The following NT5C3A variants were observed in gnomAD, a reference collection of about 807,000 sequenced individuals.
The protein encoded by NT5C3A is cytosolic 5'-nucleotidase 3A.
Under a neutral mutation model 40.0 loss-of-function variants are expected in NT5C3A, and 23 were observed. The observed-to-expected ratio is 0.58, with a 90% CI of 0.41 to 0.81. The LOEUF (loss-of-function observed/expected upper bound fraction) is 0.81. NT5C3A is among the 40% of genes least tolerant of loss of function. The pLI is 0.00. For missense variants in NT5C3A, 328 were observed against 403.0 expected (o/e 0.81, Z 1.59); for synonymous variants, 130 against 141.4 (o/e 0.92, Z 0.57).
intron 6 of NT5C3A, 23 bp downstream of exon 6, chr7:33,019,612 C>CAA (rs761258137): frequency 1.4e-6 from 2 of 1,403,058 alleles, no homozygotes; most frequent in South Asian, 2.3e-5. Flanking sequence ...ACAATAACAG[C>CAA]AAAAAACATC....
At chr7:33,035,952 A>G in intron 1 of NT5C3A, 1 of 1,613,568 alleles carries the variant, frequency 6.2e-7, no homozygotes. Flanking sequence ...CATGTACGGC[A>G]GACTCTTGAT....
At chr7:33,020,998 C>G (rs1476029203) in intron 5 of NT5C3A, among the ~76,000 whole-genome samples, 3 of 151,710 alleles carry the variant, frequency 2.0e-5, no homozygotes, top group African/African-American at 7.3e-5. Context: ...TGTTCATATA[C>G]TTAAAAAAAA....
chr7:33,045,713 T>A (rs1787116411), intron 1 of NT5C3A: 1 of 152,152 alleles, frequency 6.6e-6, no homozygotes, highest in African/African-American at 2.4e-5. Flanking sequence ...CACCTTGGCC[T>A]CCCAAAGTGC....
At chr7:33,060,131 T>G (rs1787718481) in intron 1 of NT5C3A, among the ~76,000 whole-genome samples, 1 of 152,116 alleles carries the variant, frequency 6.6e-6, no homozygotes, top group East Asian at 1.9e-4. Flanking sequence ...ATCTTTATTT[T>G]CTGTAGAGAA....
chr7:33,032,467 T>C (rs946612160), intron 1 of NT5C3A, among the ~76,000 whole-genome samples: 7 of 151,780 alleles, frequency 4.6e-5, no homozygotes, highest in Non-Finnish European at 8.8e-5. Flanking sequence ...TTTTTATTTT[T>C]ATTTTTTGAG....
intron 5 of NT5C3A, 30 bp downstream of exon 5, chr7:33,021,242 T>TA: frequency 1.9e-6 from 3 of 1,609,014 alleles, no homozygotes; most frequent in Non-Finnish European, 2.5e-6. Context: ...TATTTTTTTT[T>TA]AATCCTCCTA....
At chr7:33,016,391 G>A (rs1180131125) in intron 7 of NT5C3A, among the ~76,000 whole-genome samples, 2 of 151,190 alleles carry the variant, frequency 1.3e-5, no homozygotes, top group East Asian at 3.9e-4. Flanking sequence ...AAAAAAGAAG[G>A]CCGGGCACAG....
chr7:33,054,091 CATGT>C (rs1787477935), intron 1 of NT5C3A, among the ~76,000 whole-genome samples: 1 of 152,120 alleles, frequency 6.6e-6, no homozygotes, highest in South Asian at 2.1e-4. Context: ...CATGGTGGCA[CATGT>C]CTGTAATCCC....
chr7:33,022,071 T>C lies in NT5C3A; in HGVS notation c.336A>G (p.Thr112=), dbSNP rs1785656891. Residue 112 remains threonine, a synonymous_variant, in exon 4 of 9, where the codon ACA becomes ACG. Coordinates refer to ENST00000610140, the MANE Select transcript of NT5C3A (RefSeq NM_001002010.5). The part of the protein sequence containing the change: ...HNIIDNCKLV[T]DECRKKLLQL... ...TGTTTACCTTTTTTCTACATTCATC[T>C]GTAACCAGCTTACAGTTGTCAATGA... The C allele has an allele frequency of 1.8e-5, 27 of 1,534,744 alleles. No homozygotes were observed. The highest frequency in any genetic ancestry group is 2.3e-5 in the Non-Finnish European group (26 of 1,108,776).
At chr7:33,051,300 A>C (rs1787361320) in intron 1 of NT5C3A, among the ~76,000 whole-genome samples, 1 of 151,906 alleles carries the variant, frequency 6.6e-6, no homozygotes, top group South Asian at 2.1e-4. Context: ...GGTAGCAGGG[A>C]TTACAGGCAT....
chr7:33,055,475 T>G (rs1214681876), intron 1 of NT5C3A, among the ~76,000 whole-genome samples: 3 of 152,248 alleles, frequency 2.0e-5, no homozygotes, highest in Non-Finnish European at 4.4e-5. Flanking sequence ...AAAACAATTC[T>G]TCAACTTCAC....
intron 1 of NT5C3A, among the ~76,000 whole-genome samples, chr7:33,054,442 T>A (rs1787491358): frequency 1.3e-5 from 2 of 152,178 alleles, no homozygotes; most frequent in Non-Finnish European, 2.9e-5. Flanking sequence ...ACCACAGCCA[T>A]GAATCATTAT....
chr7:33,047,662 ATACT>A (rs1787209046), intron 1 of NT5C3A, among the ~76,000 whole-genome samples: 1 of 152,190 alleles, frequency 6.6e-6, no homozygotes, highest in African/African-American at 2.4e-5. Context: ...TAAAAAAATT[ATACT>A]TAATTATATA....
chr7:33,057,065 G>T (rs187809111), intron 1 of NT5C3A, among the ~76,000 whole-genome samples: 3,574 of 152,078 alleles, frequency 0.024, 141 homozygotes, highest in African/African-American at 0.081. Flanking sequence ...CGCCCGCCTT[G>T]GCCTCCCAAA....
intron 5 of NT5C3A, 45 bp from the exon 6 acceptor site, chr7:33,019,769 A>T: frequency 1.0e-6 from 1 of 995,640 alleles, no homozygotes; most frequent in Non-Finnish European, 1.6e-6. Flanking sequence ...ATTAAGACAA[A>T]CTAAAATTAT....
intron 1 of NT5C3A, among the ~76,000 whole-genome samples, chr7:33,058,440 G>C (rs143413784): frequency 0.053 from 8,059 of 152,162 alleles, 258 homozygotes; most frequent in East Asian, 0.15. Context: ...TCTGCCTCCT[G>C]GTTTCAAGCG....
intron 1 of NT5C3A, among the ~76,000 whole-genome samples, chr7:33,049,425 AC>A (rs1426491979): frequency 6.6e-6 from 1 of 152,066 alleles, no homozygotes; most frequent in Non-Finnish European, 1.5e-5. Context: ...TTCAAAGACC[AC>A]CCCATTCCCT....
At chr7:33,022,892 T>C (rs2127996918) in intron 3 of NT5C3A, among the ~76,000 whole-genome samples, 1 of 151,962 alleles carries the variant, frequency 6.6e-6, no homozygotes, top group Admixed American at 6.6e-5. Context: ...GAGGACTTAA[T>C]AGGGCAAAGG....
chr7:33,046,665 C>A (rs1464121091), intron 1 of NT5C3A, among the ~76,000 whole-genome samples: 1 of 152,046 alleles, frequency 6.6e-6, no homozygotes, highest in Non-Finnish European at 1.5e-5. Context: ...AAACTTTTAG[C>A]AGAAATGACA....
Sources: gnomAD v4.1 joint callset for allele counts (sites outside exome capture counted in the v4.1 genomes callset) on GRCh38, gnomAD v4.1.1 for gene constraint, MANE v1.5 for transcripts, NCBI Gene and HGNC (gene_info 2026-07-23, HGNC 2026-07-21) for gene names.